Variants in IQANK1 observed in about 807,000 individuals in gnomAD.
IQANK1 encodes the protein IQ motif and ankyrin repeat containing 1, also known as IQ motif and ankyrin repeat domain-containing protein 1.
In IQANK1, 30 loss-of-function variants were observed where a neutral mutation model predicts 22.6. The observed-to-expected ratio is 1.33, with a 90% CI of 0.99 to 1.80. IQANK1 has a LOEUF of 1.80. Among genes scored for constraint, IQANK1 ranks in the 40% most tolerant of loss-of-function variants. The pLI is 0.00. For synonymous variants in IQANK1, 122 were observed against 99.6 expected (o/e 1.23, Z -1.34); for missense variants, 275 against 235.2 (o/e 1.17, Z -1.11).
intron 3 of IQANK1, among the ~76,000 whole-genome samples, chr8:143,767,824 G>T (rs1464549896): frequency 6.8e-6 from 1 of 147,614 alleles, no homozygotes; most frequent in Non-Finnish European, 1.5e-5. Flanking sequence ...GGCGGAGCTT[G>T]CAGTGAGCCA....
At chr8:143,743,895 T>C (rs1382610540) in intron 3 of IQANK1, 3 of 428,688 alleles carry the variant, frequency 7.0e-6, no homozygotes, top group East Asian at 7.5e-5. Flanking sequence ...TGGAGTGCAC[T>C]GGGGCTTGGC....
intron 7 of IQANK1, among the ~76,000 whole-genome samples, chr8:143,786,919 G>T (rs934428352): frequency 6.6e-6 from 1 of 152,342 alleles, no homozygotes; most frequent in East Asian, 1.9e-4. Flanking sequence ...ATGAGGCACA[G>T]AGGCTGGAGG....
intron 7 of IQANK1, among the ~76,000 whole-genome samples, chr8:143,787,932 G>A (rs1418038885): frequency 6.6e-6 from 1 of 152,102 alleles, no homozygotes; most frequent in Non-Finnish European, 1.5e-5. Flanking sequence ...TCTGCTCTTG[G>A]TTGTGGCACC....
At chr8:143,764,722 G>A (rs1232637399) in intron 3 of IQANK1, among the ~76,000 whole-genome samples, 1 of 152,120 alleles carries the variant, frequency 6.6e-6, no homozygotes, top group Non-Finnish European at 1.5e-5. Flanking sequence ...TTATGAAGAG[G>A]CAGAAAGAGA....
chr8:143,771,995 G>A lies in IQANK1; in HGVS notation c.471+30G>A, dbSNP rs1819584406. 2.0e-5 allele frequency: 3 copies of A among 148,380 alleles called. No homozygotes were observed. Among genetic ancestry groups the A allele is most frequent in the Admixed American group, 6.9e-5 (1 of 14,574 alleles). 9.2% of individuals were successfully genotyped at this position (148,380 alleles called of 1,614,324 possible). ...GCGGGGGCGGGAGGAGGACGAGGGCGGGGGGTGGGGTGGGAGTGGGAGGAG... is the reference window on the plus strand; with the variant it reads ...GCGGGGGCGGGAGGAGGACGAGGGCAGGGGGTGGGGTGGGAGTGGGAGGAG... On this transcript the variant is annotated intron_variant, in intron 5 of 13. Transcript: ENST00000527139. This position sits in a 1 kb window ranked among gnomAD's most constrained non-coding sequence, Gnocchi z 6.0.
rs1453021205 is a variant in IQANK1 at position 143,790,232 on chromosome 8, G to A, written c.1385G>A (p.Arg462Lys). The A allele has an allele frequency of 8.1e-7, 1 of 1,232,244 alleles. No individual in the cohort carries two copies. The highest frequency in any genetic ancestry group is 3.2e-5 in the East Asian group (1 of 31,700). 76.3% of individuals were successfully genotyped at this position (1,232,244 alleles called of 1,614,324 possible). A position where few individuals can be genotyped will look rare whatever the true frequency, so the allele number is the denominator to read the frequency against. ...YVDTVNPEPL[R>K]PETMWLALLG... ...GACACGGTGAACCCGGAGCCCCTGA[G>A]GCCGGAGACGATGTGGCTGGCTCTG... is the stretch of plus-strand genomic sequence containing the variant. Residue 462 changes from arginine (R) to lysine (K), a missense_variant, in exon 13 of 14, where the codon AGG becomes AAG. Arg to Lys is a conservative substitution (Grantham distance 26, BLOSUM62 2). Transcript: ENST00000527139.
At chr8:143,737,378 G>T (rs1413311719) in intron 2 of IQANK1, among the ~76,000 whole-genome samples, 1 of 152,196 alleles carries the variant, frequency 6.6e-6, no homozygotes, top group African/African-American at 2.4e-5. Context: ...TCTGCTGCAG[G>T]GACACCTCTG....
intron 3 of IQANK1, among the ~76,000 whole-genome samples, chr8:143,756,319 G>A (rs1380638212): frequency 6.6e-6 from 1 of 152,164 alleles, no homozygotes; most frequent in Non-Finnish European, 1.5e-5. Flanking sequence ...TAAGGCTGGA[G>A]CTCAGTACAC....
chr8:143,736,909 C>T (rs1818753715), intron 2 of IQANK1, among the ~76,000 whole-genome samples: 1 of 152,160 alleles, frequency 6.6e-6, no homozygotes, highest in African/African-American at 2.4e-5. Context: ...GCACCCAGGC[C>T]TGCACTGGGG....
Position 143,772,997 on chromosome 8 carries a change from A to G in IQANK1, c.789+515A>G, listed in dbSNP as rs536065367. On this transcript the variant is annotated intron_variant, in intron 7 of 13. Transcript: ENST00000527139. ...AGCTCCTTTCTAGAGCCTTTGAGCTATGTTAGAAAGGACAGTCTGGCTGTC... is the reference window on the plus strand; with the variant it reads ...AGCTCCTTTCTAGAGCCTTTGAGCTGTGTTAGAAAGGACAGTCTGGCTGTC... Among the ~76,000 whole-genome samples, 10 of 152,308 alleles carry G rather than the reference A, an allele frequency of 6.6e-5. No homozygotes were observed. In the South Asian group the frequency reaches 1.7e-3, roughly 25 times the overall value.
At chr8:143,740,747 C>T (rs533513243) in intron 3 of IQANK1, among the ~76,000 whole-genome samples, 83 of 152,356 alleles carry the variant, frequency 5.4e-4, no homozygotes, top group African/African-American at 1.7e-3. Context: ...AGCCCAGGCC[C>T]GGCACCGCCC....
Position 143,765,893 on chromosome 8 carries a change from A to G in IQANK1, c.176-5595A>G, listed in dbSNP as rs1397952642. Among the ~76,000 whole-genome samples the G allele has an allele frequency of 2.0e-5, 3 of 152,294 alleles. No homozygotes were observed. In the South Asian group the frequency reaches 6.2e-4, roughly 32 times the overall value. ...ATTATTTGTAGATTTTGGTTTTAAA[A>G]ATAACACTAGCATGGATTTTCTTGC... On this transcript the variant is annotated intron_variant, in intron 3 of 13. Coordinates refer to ENST00000527139, the MANE Select transcript of IQANK1 (RefSeq NM_001381874.1).
Position 143,774,652 on chromosome 8 carries a change from A to C in IQANK1, c.789+2170A>C, listed in dbSNP as rs1174352297. Among the ~76,000 whole-genome samples the C allele has an allele frequency of 6.6e-6, 1 of 152,114 alleles. No homozygotes were observed. The highest frequency in any genetic ancestry group is 1.5e-5 in the Non-Finnish European group (1 of 68,008). ...GTAACACAGCATCAGACTCCTAGAC[A>C]TTTGCTCCAGTAAAAGGAAAACTAG... is the stretch of plus-strand genomic sequence containing the variant. On this transcript the variant is annotated intron_variant, in intron 7 of 13. Transcript: ENST00000527139. This position sits in a 1 kb window ranked among gnomAD's most constrained non-coding sequence, Gnocchi z 4.2.
At chr8:143,761,265 G>A (rs1477212883) in intron 3 of IQANK1, among the ~76,000 whole-genome samples, 9 of 152,154 alleles carry the variant, frequency 5.9e-5, no homozygotes, top group African/African-American at 1.9e-4. Context: ...GCCTAGTGGC[G>A]GGACGGCCTC....
At chr8:143,784,796 C>A (rs1819856485) in intron 7 of IQANK1, among the ~76,000 whole-genome samples, 1 of 152,104 alleles carries the variant, frequency 6.6e-6, no homozygotes, top group Non-Finnish European at 1.5e-5. Context: ...TTTGGCTCCA[C>A]CAAAACCACA....
intron 3 of IQANK1, chr8:143,759,035 A>G: frequency 9.0e-6 from 2 of 222,642 alleles, no homozygotes; most frequent in South Asian, 6.3e-5. Flanking sequence ...ATGGGGTCCC[A>G]ATCGGTGGGA....
At chr8:143,747,439 T>C (rs1819053019) in intron 3 of IQANK1, among the ~76,000 whole-genome samples, 1 of 152,196 alleles carries the variant, frequency 6.6e-6, no homozygotes, top group African/African-American at 2.4e-5. Flanking sequence ...TGTATTTCCT[T>C]AAGTTATAAA....
rs185392109 is a variant in IQANK1, at chr8:143,735,133, C to T, written c.-4-717C>T. On this transcript the variant is annotated intron_variant, in intron 1 of 13. Transcript: ENST00000527139. This position sits in a 1 kb window ranked among gnomAD's most constrained non-coding sequence, Gnocchi z 5.2. The stretch of plus-strand genomic sequence containing the variant: ...TGTTCTTTCCCCAAACACTCAGTGC[C>T]ACCCCACTGGTACCAGCATGCTGGA... Among the ~76,000 whole-genome samples, 2 of 152,370 alleles carry T rather than the reference C, an allele frequency of 1.3e-5. No homozygotes were observed. Among genetic ancestry groups the T allele is most frequent in the Admixed American group, 1.3e-4 (2 of 15,302 alleles).
chr8:143,742,488 C>T (rs1403725498), intron 3 of IQANK1: 7 of 456,076 alleles, frequency 1.5e-5, no homozygotes, highest in East Asian at 6.9e-5. Flanking sequence ...CCCCGGGACT[C>T]GCCTGTGTCA....
Sources: allele counts gnomAD v4.1 joint callset (sites outside exome capture counted in the v4.1 genomes callset), GRCh38; gene constraint gnomAD v4.1.1; non-coding constraint Gnocchi (gnomAD v3.1); transcripts MANE v1.5; gene names NCBI Gene and HGNC (gene_info 2026-07-23, HGNC 2026-07-21).